The following YES1 variants were observed in gnomAD, a reference collection of about 807,000 sequenced individuals.
YES1 encodes the protein tyrosine-protein kinase Yes.
A neutral mutation model predicts 70.4 loss-of-function variants in YES1; 39 were observed. The observed-to-expected ratio is 0.55, with a 90% confidence interval of 0.43 to 0.72. The LOEUF is 0.72. YES1 is among the 30% of genes least tolerant of loss of function. YES1 has a pLI of 0.00. For missense variants in YES1, 495 were observed against 644.8 expected (o/e 0.77, Z 2.52); for synonymous variants, 198 against 218.6 (o/e 0.91, Z 0.83).
At chr18:796,027 C>A (rs1347650420) in intron 1 of YES1, among the ~76,000 whole-genome samples, 1 of 151,824 alleles carries the variant, frequency 6.6e-6, no homozygotes, top group African/African-American at 2.4e-5. Flanking sequence ...AAAAAATAAA[C>A]ACATCACTTA....
chr18:743,364 T>A lies in YES1; in HGVS notation c.776A>T (p.Lys259Ile), dbSNP rs1482202678. The A allele has an allele frequency of 6.2e-7, 1 of 1,612,876 alleles. No homozygotes were observed. The highest frequency in any genetic ancestry group is 1.3e-5 in the African/African-American group (1 of 74,874). The stretch of plus-strand genomic sequence containing the variant: ...TTTTGCTAGACCTTGAGTCTGAGGT[T>A]TCACAGTTGGACACACAGTTGTCAA... Reference protein sequence around the residue: ...HKLTTVCPTVKPQTQGLAKDA... With the variant: ...HKLTTVCPTVIPQTQGLAKDA... The change falls in exon 7 of 12, where the codon AAA becomes ATA. Residue 259 changes from lysine to isoleucine, a missense_variant. Around this residue, in one of 2 missense-constraint regions of YES1, gnomAD observed 385 missense variants for 540.9 expected, o/e 0.71. Transcript: ENST00000314574.
intron 1 of YES1, among the ~76,000 whole-genome samples, chr18:771,203 C>G (rs927858207): frequency 5.3e-5 from 8 of 151,438 alleles, no homozygotes; most frequent in African/African-American, 1.7e-4. Flanking sequence ...CTCGTCTCTA[C>G]TAAAAATACA....
At chr18:810,167 T>C (rs1371778893) in intron 1 of YES1, among the ~76,000 whole-genome samples, 3 of 152,214 alleles carry the variant, frequency 2.0e-5, no homozygotes, top group African/African-American at 4.8e-5. Flanking sequence ...TAGTAGTAAA[T>C]CATTTACTGT....
intron 11 of YES1, among the ~76,000 whole-genome samples, chr18:732,592 G>A (rs1245044187): frequency 2.0e-5 from 3 of 152,076 alleles, no homozygotes; most frequent in Non-Finnish European, 4.4e-5. Flanking sequence ...AGAAAGCTGA[G>A]GTGAATGTGG....
chr18:763,647 T>C (rs1168191786), intron 1 of YES1, among the ~76,000 whole-genome samples: 3 of 137,096 alleles, frequency 2.2e-5, no homozygotes, highest in African/African-American at 8.4e-5. Flanking sequence ...AAGGCTGCAG[T>C]GAGCTGTGAT....
chr18:756,697 G>A lies in YES1; in HGVS notation c.131C>T (p.Ser44Leu), dbSNP rs767099976. The change falls in exon 2 of 12, where the codon TCA becomes TTA. Residue 44 changes from serine (S) to leucine (L), a missense_variant. This residue lies in a region of YES1 where 110 missense variants were observed against 104.0 expected (regional missense o/e 1.06). Coordinates refer to ENST00000314574, the MANE Select transcript of YES1 (RefSeq NM_005433.4). ...AEPTTVSPCP[S>L]SSAKGTAVNF... ...AACTGCTGTTCCCTTTGCTGAAGATGACGGACATGGTGACACTGTAGTGGG... is the reference window on the plus strand; with the variant it reads ...AACTGCTGTTCCCTTTGCTGAAGATAACGGACATGGTGACACTGTAGTGGG... 1.9e-6 allele frequency: 3 copies of A among 1,614,074 alleles called. No individual in the cohort carries two copies. The highest frequency in any genetic ancestry group is 2.5e-6 in the Non-Finnish European group (3 of 1,180,046).
At chr18:749,463 A>C (rs897437912) in intron 3 of YES1, among the ~76,000 whole-genome samples, 4 of 152,096 alleles carry the variant, frequency 2.6e-5, no homozygotes, top group Non-Finnish European at 5.9e-5. Flanking sequence ...ATGCCATTGC[A>C]CTCCAGCCTG....
Position 722,960 on chromosome 18 carries a change from T to A in YES1, c.*1464A>T, listed in dbSNP as rs554432782. On this transcript the variant is annotated 3_prime_UTR_variant, in exon 12 of 12. Transcript: ENST00000314574. ...ACAAAAAACTAGCCAGGCGTGGTGG[T>A]GGGCACCTGTAGTCCCAGCTACTCG... 3.4e-4 allele frequency: 52 copies of A among 152,244 alleles called. 1 individual carries two copies. Among genetic ancestry groups the A allele is most frequent in the African/African-American group, 1.2e-3 (50 of 41,524 alleles). The allele number at this position is 152,244 out of a possible 1,614,324, so 9.4% of individuals were successfully genotyped here.
chr18:794,419 A>T (rs1906430722), intron 1 of YES1, among the ~76,000 whole-genome samples: 1 of 152,252 alleles, frequency 6.6e-6, no homozygotes, highest in Non-Finnish European at 1.5e-5. Context: ...GAAACATGAC[A>T]ATTAAATGCA....
chr18:745,601 TATGTGTAAATAA>T (rs1568193042), intron 6 of YES1, 95 bp downstream of exon 6: 1 of 1,061,188 alleles, frequency 9.4e-7, no homozygotes, highest in Non-Finnish European at 1.4e-6. Context: ...GGGCATGTAT[TATGTGTAAATAA>T]GTGTGTTAAA....
At chr18:738,943 C>A (rs1342983679) in intron 9 of YES1, 1 of 152,172 alleles carries the variant, frequency 6.6e-6, no homozygotes, top group Non-Finnish European at 1.5e-5. Context: ...CCTGCCTCAG[C>A]CTCCTGAGTA....
chr18:761,505 C>G (rs764298111), intron 1 of YES1, among the ~76,000 whole-genome samples: 3 of 152,106 alleles, frequency 2.0e-5, no homozygotes, highest in Non-Finnish European at 4.4e-5. Flanking sequence ...GCCCAACTAC[C>G]TCAGTTTCCA....
intron 1 of YES1, among the ~76,000 whole-genome samples, chr18:803,335 ATGGCATAGCACC>A (rs1421651711): frequency 6.6e-6 from 1 of 152,234 alleles, no homozygotes; most frequent in Non-Finnish European, 1.5e-5. Context: ...ATATAAAAGT[ATGGCATAGCACC>A]TATCATAGGA....
At chr18:730,685 A>T (rs893491231) in intron 11 of YES1, among the ~76,000 whole-genome samples, 1 of 152,150 alleles carries the variant, frequency 6.6e-6, no homozygotes, top group African/African-American at 2.4e-5. Flanking sequence ...AGCCAATATA[A>T]ATGGGCTTCC....
At position 760,231 on chromosome 18, in the gene YES1, G is replaced by A. The variant is rs916943412; in HGVS notation, c.-8-3396C>T. 2.6e-5 allele frequency among the ~76,000 whole-genome samples: 4 copies of A among 152,156 alleles called. No homozygotes were observed. In the South Asian group the frequency reaches 8.3e-4, roughly 32 times the overall value. ...ACACCTGTCATCCCAGCACTTTGCA[G>A]GGACAAGGCGGGTGGATCACCTGAG... On this transcript the variant is annotated intron_variant, in intron 1 of 11. Coordinates refer to ENST00000314574, the MANE Select transcript of YES1 (RefSeq NM_005433.4).
intron 1 of YES1, among the ~76,000 whole-genome samples, chr18:782,605 G>A (rs1188550631): frequency 2.0e-5 from 3 of 152,204 alleles, no homozygotes; most frequent in Non-Finnish European, 4.4e-5. Context: ...CAAGTTTAAA[G>A]TTACACATCT....
At position 806,253 on chromosome 18, in the gene YES1, G is replaced by T. The variant is rs541520675; in HGVS notation, c.-9+5861C>A. Reference sequence around the variant, plus strand: ...ACTTTCTTCACTAAAATAGTACAACGTATTTATTTAAAATAAACCTTACTA... The same window carrying T: ...ACTTTCTTCACTAAAATAGTACAACTTATTTATTTAAAATAAACCTTACTA... On this transcript the variant is annotated intron_variant, in intron 1 of 11. Coordinates refer to ENST00000314574, the MANE Select transcript of YES1 (RefSeq NM_005433.4). Among the ~76,000 whole-genome samples the T allele has an allele frequency of 5.4e-4, 82 of 152,066 alleles. 1 individual carries two copies. The highest frequency in any genetic ancestry group is 1.5e-3 in the African/African-American group (62 of 41,476).
At chr18:770,105 A>G (rs1477437721) in intron 1 of YES1, among the ~76,000 whole-genome samples, 1 of 151,836 alleles carries the variant, frequency 6.6e-6, no homozygotes, top group Non-Finnish European at 1.5e-5. Context: ...CAGTACAGGC[A>G]CGCGCCACCA....
chr18:750,042 G>A (rs929470252), intron 3 of YES1, among the ~76,000 whole-genome samples: 4 of 152,066 alleles, frequency 2.6e-5, no homozygotes, highest in African/African-American at 9.7e-5. Flanking sequence ...TGTTACTAAA[G>A]ATTAAATTCA....
Sources: allele counts gnomAD v4.1 joint callset (sites outside exome capture counted in the v4.1 genomes callset), GRCh38; gene constraint gnomAD v4.1.1; regional missense constraint gnomAD v4.1.1; transcripts MANE v1.5; gene names NCBI Gene and HGNC (gene_info 2026-07-23, HGNC 2026-07-21).